Variants in GLI3 observed in about 807,000 individuals in gnomAD.
The protein encoded by GLI3 is GLI family zinc finger 3, also known as transcription activator GLI3.
GLI3 carries 20 observed loss-of-function variants against 100.8 expected under a neutral mutation model. The observed-to-expected ratio is 0.20, with a 90% CI of 0.14 to 0.29. The LOEUF is 0.29. Ranked by LOEUF, GLI3 falls within the 10% of genes least tolerant of loss-of-function variation. GLI3 has a pLI of 1.00. For missense variants in GLI3, 2,040 were observed against 2,128.5 expected, an observed-to-expected ratio of 0.96 and a Z score of 0.82; for synonymous variants, 938 against 860.5, an observed-to-expected ratio of 1.09 and a Z score of -1.58.
intron 3 of GLI3, among the ~76,000 whole-genome samples, chr7:42,120,450 G>C (rs955249564): frequency 6.6e-6 from 1 of 152,162 alleles, no homozygotes; most frequent in Non-Finnish European, 1.5e-5. Context: ...CTCCCAGCTG[G>C]GAAGGTTTAG....
intron 2 of GLI3, among the ~76,000 whole-genome samples, chr7:42,154,050 CT>C (rs1349376116): frequency 1.3e-5 from 2 of 151,444 alleles, no homozygotes; most frequent in African/African-American, 4.9e-5. Flanking sequence ...GGAATGATAC[CT>C]GGATATGTGC....
chr7:42,134,490 C>T (rs1786378578), intron 3 of GLI3, among the ~76,000 whole-genome samples: 1 of 151,990 alleles, frequency 6.6e-6, no homozygotes, highest in Non-Finnish European at 1.5e-5. Context: ...TACCCTAGCT[C>T]AGAGGGCAAA....
chr7:42,033,989 T>C (rs1165027688), intron 7 of GLI3, among the ~76,000 whole-genome samples: 1 of 152,062 alleles, frequency 6.6e-6, no homozygotes. Context: ...ATACATTAGG[T>C]TTTACATTAT....
At chr7:42,014,086 G>A (rs973217956) in intron 10 of GLI3, among the ~76,000 whole-genome samples, 11 of 152,096 alleles carry the variant, frequency 7.2e-5, no homozygotes, top group African/African-American at 2.7e-4. Context: ...CTCACTTCTG[G>A]CCCTACCCCA....
At chr7:42,178,300 A>G (rs1787521232) in intron 2 of GLI3, among the ~76,000 whole-genome samples, 1 of 152,190 alleles carries the variant, frequency 6.6e-6, no homozygotes, top group Non-Finnish European at 1.5e-5. Flanking sequence ...GCTTACCATC[A>G]TATCAGTAAG....
intron 3 of GLI3, among the ~76,000 whole-genome samples, chr7:42,078,981 G>A (rs61114292): frequency 0.018 from 2,686 of 152,036 alleles, 64 homozygotes; most frequent in African/African-American, 0.062. Flanking sequence ...TGCCCGCCTC[G>A]GCCTCCCAAA....
chr7:42,220,337 T>C (rs141446567), intron 2 of GLI3, among the ~76,000 whole-genome samples: 264 of 152,142 alleles, frequency 1.7e-3, no homozygotes, highest in Non-Finnish European at 2.5e-3. Flanking sequence ...GAAATATTCA[T>C]AGAGAAAAAG....
At chr7:42,122,335 A>G (rs1482949513) in intron 3 of GLI3, among the ~76,000 whole-genome samples, 1 of 143,550 alleles carries the variant, frequency 7.0e-6, no homozygotes, top group Non-Finnish European at 1.5e-5. Flanking sequence ...TTTTTATTAG[A>G]GAAGAACCAT....
chr7:42,037,938 C>T (rs1238082909), intron 7 of GLI3, among the ~76,000 whole-genome samples: 1 of 152,098 alleles, frequency 6.6e-6, no homozygotes, highest in African/African-American at 2.4e-5. Flanking sequence ...ATTTCTATAC[C>T]ATATTCTAAT....
intron 3 of GLI3, among the ~76,000 whole-genome samples, chr7:42,131,372 C>CA (rs60096411): frequency 0.031 from 4,684 of 152,124 alleles, 251 homozygotes; most frequent in African/African-American, 0.11. Context: ...AATCAACTAC[C>CA]AAAAAGCAAC....
rs150098590 is a variant in GLI3, at chr7:42,062,374, A to G, written c.474-13678T>C. On this transcript the variant is annotated intron_variant, in intron 4 of 14. Coordinates refer to ENST00000395925, the MANE Select transcript of GLI3 (RefSeq NM_000168.6). Reference sequence around the variant, plus strand: ...GAACTCTTTTCTTTTTCCTTTCTCGAGAATAGCATCACAATCATTGCAGCA... The same window carrying G: ...GAACTCTTTTCTTTTTCCTTTCTCGGGAATAGCATCACAATCATTGCAGCA... 8.4e-4 allele frequency among the ~76,000 whole-genome samples: 128 copies of G among 152,242 alleles called. 1 individual carries two copies. Among genetic ancestry groups the G allele is most frequent in the African/African-American group, 2.9e-3 (120 of 41,528 alleles).
chr7:41,977,873 A>G, intron 11 of GLI3, 151 bp from the exon 12 acceptor site: 2 of 724,224 alleles, frequency 2.8e-6, no homozygotes. Flanking sequence ...CTCTGCATTT[A>G]TTGGGATTCA....
chr7:42,017,935 G>A (rs879355175), intron 10 of GLI3, among the ~76,000 whole-genome samples: 5 of 152,160 alleles, frequency 3.3e-5, no homozygotes, highest in East Asian at 1.9e-4. Context: ...TGGGGACAGC[G>A]TTTATTTTCA....
chr7:42,073,813 A>G (rs1039666096), intron 4 of GLI3, among the ~76,000 whole-genome samples: 8 of 152,254 alleles, frequency 5.3e-5, no homozygotes, highest in Non-Finnish European at 7.3e-5. Context: ...TAGAATTAAA[A>G]ATATTGCAAA....
intron 1 of GLI3, among the ~76,000 whole-genome samples, chr7:42,231,897 C>CAA (rs59256693): frequency 2.4e-5 from 3 of 125,960 alleles, no homozygotes; most frequent in South Asian, 2.6e-4. Context: ...ATGCAATCTT[C>CAA]AAAAAAAAAA....
rs148262015 is a variant in GLI3, at chr7:41,968,095, T to C, written c.2104-172A>G. On this transcript the variant is annotated intron_variant, in intron 13 of 14. Transcript: ENST00000395925. ...GGCCACTTTTGGCCAGAATGACGGA[T>C]GGACCACCAGGCTGATGGGCAACAG... Among the ~76,000 whole-genome samples, 96 of 152,308 alleles carry C rather than the reference T, an allele frequency of 6.3e-4. 1 individual carries two copies. The East Asian group carries it at 0.014, about 22-fold the overall frequency.
chr7:41,983,439 G>C (rs1287475617), intron 10 of GLI3, among the ~76,000 whole-genome samples: 1 of 152,150 alleles, frequency 6.6e-6, no homozygotes, highest in Non-Finnish European at 1.5e-5. Flanking sequence ...TAAGAAAAGT[G>C]ATAGGCAATG....
intron 4 of GLI3, 130 bp from the exon 5 acceptor site, chr7:42,048,826 G>A (rs1784298350): frequency 1.4e-6 from 1 of 711,836 alleles, no homozygotes; most frequent in Admixed American, 2.1e-5. Flanking sequence ...AAAAACTGCA[G>A]GCAAATACAT....
chr7:42,028,065 T>C (rs1789172767), intron 7 of GLI3, among the ~76,000 whole-genome samples: 1 of 152,220 alleles, frequency 6.6e-6, no homozygotes, highest in South Asian at 2.1e-4. Context: ...TGCCAGTTTG[T>C]CCAATTTATT....
Sources: gnomAD v4.1 joint callset for allele counts (sites outside exome capture counted in the v4.1 genomes callset) on GRCh38, gnomAD v4.1.1 for gene constraint, MANE v1.5 for transcripts, NCBI Gene and HGNC (gene_info 2026-07-23, HGNC 2026-07-21) for gene names.